KDM2B: variants seen among roughly 807,000 people sequenced by gnomAD.
KDM2B encodes the protein lysine-specific demethylase 2B.
Under a neutral mutation model 150.0 loss-of-function variants are expected in KDM2B, and 26 were observed. That is an observed-to-expected ratio of 0.17 (90% confidence interval 0.13 to 0.24). The LOEUF is 0.24. Ranked by LOEUF, KDM2B falls within the 10% of genes least tolerant of loss-of-function variation. The probability of loss-of-function intolerance (pLI) is 1.00; values close to 1 mark genes in which losing one functional copy is unlikely to be tolerated. For synonymous variants in KDM2B, 734 were observed against 729.5 expected (o/e 1.01, Z -0.10); for missense variants, 1,265 against 1,816.9 (o/e 0.70, Z 5.52).
chr12:121,523,320 G>A (rs1886853697), intron 8 of KDM2B, among the ~76,000 whole-genome samples: 1 of 152,236 alleles, frequency 6.6e-6, no homozygotes, highest in Non-Finnish European at 1.5e-5. Flanking sequence ...GCGGACAGAG[G>A]CGGAGCAACT....
chr12:121,484,299 G>A (rs781913322), intron 12 of KDM2B, among the ~76,000 whole-genome samples: 1 of 152,164 alleles, frequency 6.6e-6, no homozygotes, highest in Non-Finnish European at 1.5e-5. Flanking sequence ...CTGGGTTGGG[G>A]CTGGCATGGA....
At chr12:121,425,294 G>A (rs1004212276), downstream of KDM2B, among the ~76,000 whole-genome samples, 15 of 132,180 alleles carry the variant, frequency 1.1e-4, no homozygotes, top group Admixed American at 1.6e-4. Flanking sequence ...GGCGACGAGC[G>A]AAACTCCGTC....
intron 12 of KDM2B, among the ~76,000 whole-genome samples, chr12:121,481,131 A>G (rs1388243700): frequency 6.6e-6 from 1 of 151,826 alleles, no homozygotes; most frequent in Non-Finnish European, 1.5e-5. Flanking sequence ...GGGTTTCACC[A>G]TGTTGGTCAG....
rs1881723327 is a variant in KDM2B, at chr12:121,478,871, TG to T, written c.1734+15707del. 2.0e-5 allele frequency among the ~76,000 whole-genome samples: 3 copies of T among 150,842 alleles called. 1 individual carries two copies. Among genetic ancestry groups the T allele is most frequent in the African/African-American group, 7.3e-5 (3 of 41,144 alleles). ...ACCGGCTAATTTTTGTTTGTTTGTG[TG>T]TGTGTGTGTGTGTGTGTGTGTGTTT... is the stretch of plus-strand genomic sequence containing the variant. On this transcript the variant is annotated intron_variant, in intron 12 of 22. Coordinates refer to ENST00000377071, the MANE Select transcript of KDM2B (RefSeq NM_032590.5).
In KDM2B at chr12:121,555,781, A is replaced by G. The variant is rs142688502; in HGVS notation, c.398-6143T>C. ...CATGAATATCTCTCAAATATCTCCA[A>G]TGTTAGAGGTAGGAATTGGTGTGTG... On this transcript the variant is annotated intron_variant, in intron 4 of 22. Coordinates refer to ENST00000377071, the MANE Select transcript of KDM2B (RefSeq NM_032590.5). 3.0e-3 allele frequency among the ~76,000 whole-genome samples: 456 copies of G among 152,276 alleles called. 11 individuals carry two copies. Among genetic ancestry groups the G allele is most frequent in the Admixed American group, 0.028 (433 of 15,274 alleles).
rs1885743699 is a variant in KDM2B, at chr12:121,513,239, T to C, written c.1174+37A>G. 4.4e-6 allele frequency: 7 copies of C among 1,603,128 alleles called. No individual in the cohort carries two copies. The East Asian group carries it at 1.6e-4, about 36-fold the overall frequency. On this transcript the variant is annotated intron_variant, in intron 10 of 22. Transcript: ENST00000377071. This position sits in a 1 kb window ranked among gnomAD's most constrained non-coding sequence, Gnocchi z 5.0. ...GAGAAAATGATTTCTGCCCCAGCTG[T>C]GCAGCCGAGGCCGTGGGCTCCCTCC...
At chr12:121,446,191 C>G (rs193002779) in intron 13 of KDM2B, among the ~76,000 whole-genome samples, 6,055 of 152,164 alleles carry the variant, frequency 0.04, 171 homozygotes, top group Non-Finnish European at 0.057. Flanking sequence ...GTCAGGAGAT[C>G]GAGACCATCC....
intron 9 of KDM2B, among the ~76,000 whole-genome samples, chr12:121,517,135 A>G (rs1473400486): frequency 3.3e-5 from 5 of 152,210 alleles, no homozygotes; most frequent in Non-Finnish European, 7.3e-5. Flanking sequence ...TGAAGTTAAA[A>G]GAATGTAGTG....
chr12:121,462,104 A>G (rs1555293848), intron 12 of KDM2B, among the ~76,000 whole-genome samples: 1 of 152,264 alleles, frequency 6.6e-6, no homozygotes, highest in African/African-American at 2.4e-5. Context: ...GGACAGCCCC[A>G]CAAGGGAAGG....
At chr12:121,532,741 G>C in intron 8 of KDM2B, 65 bp downstream of exon 8, 1 of 1,554,932 alleles carries the variant, frequency 6.4e-7, no homozygotes, top group South Asian at 1.2e-5. Flanking sequence ...CCCTCAGGGG[G>C]CCTAAAACCC....
At chr12:121,559,476 C>T (rs561669851) in intron 4 of KDM2B, among the ~76,000 whole-genome samples, 31 of 152,286 alleles carry the variant, frequency 2.0e-4, no homozygotes, top group African/African-American at 7.5e-4. Flanking sequence ...AGCTGGGGTC[C>T]AGCCCCCACG....
chr12:121,461,459 C>G (rs1349916606), intron 12 of KDM2B, among the ~76,000 whole-genome samples: 2 of 151,966 alleles, frequency 1.3e-5, no homozygotes, highest in Non-Finnish European at 2.9e-5. Context: ...GGGAGATCAG[C>G]TGAAGATGAT....
intron 12 of KDM2B, among the ~76,000 whole-genome samples, chr12:121,462,570 T>A (rs1879260232): frequency 6.6e-6 from 1 of 151,958 alleles, no homozygotes; most frequent in Non-Finnish European, 1.5e-5. Flanking sequence ...CTCAGCTCAC[T>A]GCAACCTCTG....
intron 12 of KDM2B, among the ~76,000 whole-genome samples, chr12:121,460,459 C>T (rs1555293591): frequency 1.3e-5 from 2 of 152,216 alleles, no homozygotes; most frequent in African/African-American, 2.4e-5. Context: ...AGTGCAGTGG[C>T]GTGATCTCAG....
At chr12:121,541,620 G>T (rs1344842964) in intron 6 of KDM2B, among the ~76,000 whole-genome samples, 1 of 150,832 alleles carries the variant, frequency 6.6e-6, no homozygotes, top group Non-Finnish European at 1.5e-5. Flanking sequence ...TGTGTGTCAG[G>T]TTCTCACTCC....
chr12:121,510,410 G>T (rs782767302), intron 10 of KDM2B, among the ~76,000 whole-genome samples: 9 of 152,182 alleles, frequency 5.9e-5, no homozygotes, highest in Admixed American at 2.0e-4. Flanking sequence ...ACCACACTCA[G>T]CTAGTTTTTT....
At chr12:121,438,852 GTTTC>G (rs1250009698) in intron 22 of KDM2B, among the ~76,000 whole-genome samples, 2 of 151,444 alleles carry the variant, frequency 1.3e-5, no homozygotes, top group Non-Finnish European at 2.9e-5. Context: ...AAAACCTGTA[GTTTC>G]TTTTTCTCTT....
rs1195169270 is a variant in KDM2B at position 121,516,792 on chromosome 12, T to G, written c.1048-3390A>C. On this transcript the variant is annotated intron_variant, in intron 9 of 22. Transcript: ENST00000377071. ...AAGGTTTCTCGAGTGTATCTAGAACTCCCAGGTCTCAAGGACTTGAAAAAG... is the reference window on the plus strand; with the variant it reads ...AAGGTTTCTCGAGTGTATCTAGAACGCCCAGGTCTCAAGGACTTGAAAAAG... The G allele has an allele frequency of 2.7e-5, 18 of 657,694 alleles. No individual in the cohort carries two copies. The Admixed American group carries it at 3.2e-4, about 12-fold the overall frequency. 40.7% of individuals were successfully genotyped at this position (657,694 alleles called of 1,614,324 possible).
the KDM2B span, among the ~76,000 whole-genome samples, chr12:121,411,093 C>T: frequency 2.0e-5 from 3 of 152,132 alleles, no homozygotes; most frequent in African/African-American, 7.2e-5. Context: ...GCCACCACAC[C>T]TGGCTAATTT....
Sources: allele counts gnomAD v4.1 joint callset (sites outside exome capture counted in the v4.1 genomes callset), GRCh38; gene constraint gnomAD v4.1.1; non-coding constraint Gnocchi (gnomAD v3.1); transcripts MANE v1.5; gene names NCBI Gene and HGNC (gene_info 2026-07-23, HGNC 2026-07-21).